Variants in CDKAL1 observed in about 807,000 individuals in gnomAD.
CDKAL1 encodes threonylcarbamoyladenosine tRNA methylthiotransferase.
In CDKAL1, 32 loss-of-function variants were observed where a neutral mutation model predicts 68.2. The ratio of observed to expected loss-of-function variants is 0.47; its 90% CI spans 0.35 to 0.63. The LOEUF is 0.63. CDKAL1 is among the 30% of genes least tolerant of loss of function. The pLI, the probability that CDKAL1 is intolerant of heterozygous loss-of-function variation, is 0.00. For synonymous variants in CDKAL1, 234 were observed against 244.3 expected, an observed-to-expected ratio of 0.96 and a Z score of 0.39; for missense variants, 606 against 696.7, an observed-to-expected ratio of 0.87 and a Z score of 1.47.
intron 7 of CDKAL1, among the ~76,000 whole-genome samples, chr6:20,765,833 T>A (rs1172615531): frequency 2.0e-5 from 3 of 152,212 alleles, no homozygotes; most frequent in Non-Finnish European, 4.4e-5. Flanking sequence ...TGTAACTTTA[T>A]AACTGTATTG....
At chr6:20,711,992 A>G (rs1771868199) in intron 5 of CDKAL1, among the ~76,000 whole-genome samples, 1 of 152,080 alleles carries the variant, frequency 6.6e-6, no homozygotes, top group African/African-American at 2.4e-5. Context: ...ACTGACTTAG[A>G]CTTTTTTTTT....
chr6:20,911,451 C>T (rs1328084879), intron 9 of CDKAL1, among the ~76,000 whole-genome samples: 1 of 152,164 alleles, frequency 6.6e-6, no homozygotes, highest in Non-Finnish European at 1.5e-5. Context: ...TTGTTTCACA[C>T]GTTAATTTTG....
At chr6:21,117,799 G>A (rs778370002) in intron 13 of CDKAL1, among the ~76,000 whole-genome samples, 1 of 152,122 alleles carries the variant, frequency 6.6e-6, no homozygotes, top group Non-Finnish European at 1.5e-5. Context: ...CAAAATGATT[G>A]TAAAACTTCC....
At chr6:20,678,521 A>G (rs555567009) in intron 5 of CDKAL1, among the ~76,000 whole-genome samples, 1 of 152,306 alleles carries the variant, frequency 6.6e-6, no homozygotes, top group African/African-American at 2.4e-5. Context: ...GGCTTCACTT[A>G]ATGTCCTGGA....
At chr6:20,812,387 A>T (rs917229147) in intron 8 of CDKAL1, among the ~76,000 whole-genome samples, 3 of 152,200 alleles carry the variant, frequency 2.0e-5, no homozygotes, top group Non-Finnish European at 2.9e-5. Flanking sequence ...GCTCCTATTA[A>T]TAGATTATTT....
At chr6:20,562,393 C>T (rs1023171049) in intron 4 of CDKAL1, among the ~76,000 whole-genome samples, 5 of 152,034 alleles carry the variant, frequency 3.3e-5, no homozygotes, top group African/African-American at 1.2e-4. Flanking sequence ...TGAGGGTAGA[C>T]AGCATCCAGC....
chr6:20,889,614 G>A (rs1373509548), intron 9 of CDKAL1, among the ~76,000 whole-genome samples: 6 of 152,124 alleles, frequency 3.9e-5, no homozygotes. Context: ...ATTTAATAGG[G>A]AATCCTTTCC....
chr6:20,826,216 C>T (rs1777497336), intron 8 of CDKAL1, among the ~76,000 whole-genome samples: 1 of 152,110 alleles, frequency 6.6e-6, no homozygotes, highest in African/African-American at 2.4e-5. Flanking sequence ...TGGTTGGCTT[C>T]ACTGGGTTCA....
chr6:20,914,396 T>A (rs1268114821), intron 9 of CDKAL1, among the ~76,000 whole-genome samples: 3 of 152,226 alleles, frequency 2.0e-5, no homozygotes, highest in Non-Finnish European at 4.4e-5. Context: ...GCCAAACACT[T>A]CCATCTTTTA....
At chr6:20,998,151 A>G (rs1767220287) in intron 10 of CDKAL1, among the ~76,000 whole-genome samples, 2 of 152,138 alleles carry the variant, frequency 1.3e-5, no homozygotes, top group African/African-American at 2.4e-5. Flanking sequence ...GAAAACAAAG[A>G]TCTTTGTACA....
At chr6:21,157,785 AC>A (rs1175342126) in intron 13 of CDKAL1, among the ~76,000 whole-genome samples, 1 of 152,228 alleles carries the variant, frequency 6.6e-6, no homozygotes, top group African/African-American at 2.4e-5. Context: ...CTGGCAGAGC[AC>A]CTGGGTGTGC....
At chr6:20,732,277 T>C (rs960547289) in intron 5 of CDKAL1, among the ~76,000 whole-genome samples, 9 of 127,394 alleles carry the variant, frequency 7.1e-5, no homozygotes, top group African/African-American at 2.6e-4. Flanking sequence ...TTTTTTTTTT[T>C]TTTTTTTTGT....
chr6:21,125,872 T>G (rs1346587699), intron 13 of CDKAL1, among the ~76,000 whole-genome samples: 3 of 152,098 alleles, frequency 2.0e-5, no homozygotes, highest in African/African-American at 7.2e-5. Context: ...GCTCCCACAA[T>G]CTCTGTGCTT....
At chr6:20,580,662 G>T (rs9368204) in intron 4 of CDKAL1, among the ~76,000 whole-genome samples, 52,723 of 151,920 alleles carry the variant, frequency 0.35, 9,641 homozygotes, top group East Asian at 0.55. Context: ...TAAGTAAGGT[G>T]GTTTTTGGCC....
intron 5 of CDKAL1, among the ~76,000 whole-genome samples, chr6:20,679,192 T>C (rs552663423): frequency 1.4e-4 from 21 of 152,350 alleles, no homozygotes; most frequent in Admixed American, 2.6e-4. Flanking sequence ...GTTGGGATTA[T>C]AGGCATGAGC....
chr6:20,558,650 T>C (rs931453029), intron 4 of CDKAL1: 2 of 454,366 alleles, frequency 4.4e-6, no homozygotes, highest in African/African-American at 2.0e-5. Context: ...GATTTGTTCA[T>C]CACACCACAT....
intron 4 of CDKAL1, among the ~76,000 whole-genome samples, chr6:20,635,058 C>T (rs1184188408): frequency 6.6e-6 from 1 of 151,632 alleles, no homozygotes; most frequent in African/African-American, 2.4e-5. Context: ...GGAGATGTGC[C>T]ATTTATGGAA....
At chr6:20,719,133 G>A (rs1562050546) in intron 5 of CDKAL1, among the ~76,000 whole-genome samples, 1 of 152,156 alleles carries the variant, frequency 6.6e-6, no homozygotes, top group Non-Finnish European at 1.5e-5. Context: ...GCCTTTTAAA[G>A]TTTACAGTTG....
intron 13 of CDKAL1, among the ~76,000 whole-genome samples, chr6:21,194,996 C>T (rs1778406120): frequency 6.6e-6 from 1 of 152,158 alleles, no homozygotes; most frequent in African/African-American, 2.4e-5. Context: ...GACTGGAGTG[C>T]AGTGGCATGA....
Sources: allele counts gnomAD v4.1 joint callset (sites outside exome capture counted in the v4.1 genomes callset), GRCh38; gene constraint gnomAD v4.1.1; transcripts MANE v1.5; gene names NCBI Gene and HGNC (gene_info 2026-07-23, HGNC 2026-07-21).